CD8B: variants seen among roughly 807,000 people sequenced by gnomAD.
The protein encoded by CD8B is CD8 subunit beta, also known as T-cell surface glycoprotein CD8 beta chain.
Under a neutral mutation model 24.2 loss-of-function variants are expected in CD8B, and 6 were observed. The ratio of observed to expected loss-of-function variants is 0.25; its 90% CI spans 0.14 to 0.49. The LOEUF (loss-of-function observed/expected upper bound fraction) is 0.49. Among genes scored for constraint, CD8B ranks in the 20% least tolerant of loss-of-function variants. The pLI is 0.98. For missense variants in CD8B, 196 were observed against 271.3 expected (o/e 0.72, Z 1.95); for synonymous variants, 84 against 108.3 (o/e 0.78, Z 1.39).
Position 86,852,881 on chromosome 2 carries a change from G to T in CD8B, c.493+116C>A. On this transcript the variant is annotated intron_variant, in intron 3 of 5. Transcript: ENST00000390655. ...CTTTCTGACCCTAGCTTAGGCCGGGGAGATAGGCTCTAGAGTTGACACTTG... is the reference window on the plus strand; with the variant it reads ...CTTTCTGACCCTAGCTTAGGCCGGGTAGATAGGCTCTAGAGTTGACACTTG... The T allele has an allele frequency of 6.2e-6, 9 of 1,450,990 alleles. No individual in the cohort carries two copies. The South Asian group carries it at 1.2e-4, about 19-fold the overall frequency. The allele number at this position is 1,450,990 out of a possible 1,614,324, so 89.9% of individuals were successfully genotyped here.
chr2:86,824,757 C>T (rs1232014375), intron 5 of CD8B, among the ~76,000 whole-genome samples: 3 of 152,174 alleles, frequency 2.0e-5, no homozygotes, highest in Non-Finnish European at 4.4e-5. Context: ...GGCCTTGTCT[C>T]GACCTTGCTT....
chr2:86,822,053 G>C (rs1324559679), intron 5 of CD8B, among the ~76,000 whole-genome samples: 2 of 152,156 alleles, frequency 1.3e-5, no homozygotes, highest in African/African-American at 4.8e-5. Flanking sequence ...GTCCTGCCCT[G>C]ACTTGCCCCA....
chr2:86,834,653 C>T (rs1486080482), downstream of CD8B, among the ~76,000 whole-genome samples: 1 of 151,914 alleles, frequency 6.6e-6, no homozygotes, highest in Non-Finnish European at 1.5e-5. Context: ...ACAGACGTTC[C>T]AGGCCGGGCA....
rs79298835 is a variant in CD8B at position 86,821,350 on chromosome 2, T to C, written c.621-5632A>G. Among the ~76,000 whole-genome samples the C allele has an allele frequency of 4.2e-3, 640 of 151,894 alleles. 3 individuals carry two copies. Among genetic ancestry groups the C allele is most frequent in the African/African-American group, 0.015 (604 of 41,372 alleles). ...ACGCCATTGAGCCCTGCTAAAGGAG[T>C]TGCTAATATCCACCTCGTTCTGCGG... On this transcript the variant is annotated intron_variant, in intron 5 of 5. Coordinates refer to the CD8B transcript ENST00000331469.
At chr2:86,855,141 T>C (rs1469975129) in intron 2 of CD8B, among the ~76,000 whole-genome samples, 1 of 148,216 alleles carries the variant, frequency 6.7e-6, no homozygotes, top group African/African-American at 2.5e-5. Flanking sequence ...TTTTGGGGGG[T>C]TGTAAGGGGG....
intron 5 of CD8B, chr2:86,833,000 C>T (rs1674972668): frequency 2.9e-6 from 1 of 345,722 alleles, no homozygotes; most frequent in African/African-American, 2.4e-5. Flanking sequence ...CTCTCCTCTC[C>T]TCTTCTCTCT....
rs143325206 is a variant in CD8B at position 86,851,186 on chromosome 2, C to T, written c.493+1811G>A. On this transcript the variant is annotated intron_variant, in intron 3 of 5. Coordinates refer to ENST00000390655, the MANE Select transcript of CD8B (RefSeq NM_004931.5). Reference sequence around the variant, plus strand: ...TTTATAAAAGTATGACTGAGTTTGCCGTCATTCAGCTGTCCTTACATGAAG... The same window carrying T: ...TTTATAAAAGTATGACTGAGTTTGCTGTCATTCAGCTGTCCTTACATGAAG... 8.5e-5 allele frequency among the ~76,000 whole-genome samples: 13 copies of T among 152,130 alleles called. 1 individual carries two copies. The highest frequency in any genetic ancestry group is 2.7e-4 in the African/African-American group (11 of 41,498).
At chr2:86,826,709 C>G (rs1573492178) in intron 5 of CD8B, among the ~76,000 whole-genome samples, 1 of 152,104 alleles carries the variant, frequency 6.6e-6, no homozygotes, top group African/African-American at 2.4e-5. Flanking sequence ...GACAGTGTCG[C>G]TCTCGCCCAA....
intron 5 of CD8B, chr2:86,833,007 C>A: frequency 2.8e-6 from 1 of 359,202 alleles, no homozygotes; most frequent in South Asian, 2.0e-5. Context: ...CTCCTCTTCT[C>A]TCTCTCCCTC....
chr2:86,824,886 T>G (rs1405628268), intron 5 of CD8B, among the ~76,000 whole-genome samples: 1 of 152,254 alleles, frequency 6.6e-6, no homozygotes, highest in East Asian at 1.9e-4. Context: ...GTATACCAAG[T>G]AAATGACCAC....
At chr2:86,819,998 G>A (rs981240165) in intron 5 of CD8B, among the ~76,000 whole-genome samples, 10 of 152,202 alleles carry the variant, frequency 6.6e-5, no homozygotes, top group Non-Finnish European at 1.2e-4. Flanking sequence ...CTGCAAGTAT[G>A]GTAGAAATAG....
Position 86,861,811 on chromosome 2 carries a change from C to T in CD8B, c.43+12G>A. On this transcript the variant is annotated intron_variant, in intron 1 of 5. Transcript: ENST00000390655. Reference sequence around the variant, plus strand: ...CGCAGACCCTTGGGTAGCCCGCGCGCCGCCGCCTTACCTGTCAGCTGCGCG... The same window carrying T: ...CGCAGACCCTTGGGTAGCCCGCGCGTCGCCGCCTTACCTGTCAGCTGCGCG... The T allele has an allele frequency of 1.6e-6, 2 of 1,272,134 alleles. No homozygotes were observed. Among genetic ancestry groups the T allele is most frequent in the Non-Finnish European group, 2.0e-6 (2 of 1,010,706 alleles). 78.8% of individuals were successfully genotyped at this position (1,272,134 alleles called of 1,614,324 possible). A position where few individuals can be genotyped will look rare whatever the true frequency, so the allele number is the denominator to read the frequency against.
intron 5 of CD8B, among the ~76,000 whole-genome samples, chr2:86,844,279 T>C (rs552928394): frequency 5.3e-4 from 80 of 151,408 alleles, no homozygotes; most frequent in East Asian, 7.8e-4. Flanking sequence ...TGTCAACTCC[T>C]GGGACCCAGA....
intron 1 of CD8B, 37 bp downstream of exon 1, chr2:86,861,786 C>G (rs775075650): frequency 4.7e-5 from 59 of 1,255,928 alleles, no homozygotes; most frequent in Admixed American, 3.8e-4. Context: ...GCCCCGGGAG[C>G]GCAGACCCTT....
chr2:86,837,931 C>T (rs537351030), downstream of CD8B, among the ~76,000 whole-genome samples: 2 of 151,840 alleles, frequency 1.3e-5, no homozygotes, highest in African/African-American at 4.8e-5. Context: ...TGGAGTGCAG[C>T]CCACCCCTGC....
rs142966127 is a variant in CD8B at position 86,858,242 on chromosome 2, C to T, written c.218G>A (p.Trp73Ter). Residue 73 changes from tryptophan (W) to a stop codon, truncating the protein, a stop_gained, in exon 2 of 6, where the codon TGG (tryptophan) becomes TAG (stop). Transcript: ENST00000390655. LOFTEE classifies it high-confidence loss of function. ...SDSHHEFLAL[W>*]DSAKGTIHGE... ...GTGGATAGTCCCTTTTGCGGAATCC[C>T]AGAGGGCCAGGAACTCGTGGTGACT... is the stretch of plus-strand genomic sequence containing the variant. 108 of 1,614,026 alleles carry T rather than the reference C, an allele frequency of 6.7e-5. No homozygotes were observed. Among genetic ancestry groups the T allele is most frequent in the Non-Finnish European group, 8.4e-5 (99 of 1,179,880 alleles).
At chr2:86,832,394 C>A (rs1380652235) in intron 5 of CD8B, among the ~76,000 whole-genome samples, 1 of 151,744 alleles carries the variant, frequency 6.6e-6, no homozygotes, top group African/African-American at 2.4e-5. Flanking sequence ...GGGAGAATCG[C>A]ATGAACCCGG....
chr2:86,859,192 G>A (rs1676445673), intron 1 of CD8B, among the ~76,000 whole-genome samples: 1 of 151,946 alleles, frequency 6.6e-6, no homozygotes, highest in Admixed American at 6.6e-5. Context: ...GACAGACCCT[G>A]GTAGGTACAA....
At position 86,840,206 on chromosome 2, in the gene CD8B, G is replaced by A. The variant is rs897469295; in HGVS notation, c.*2101C>T. On this transcript the variant is annotated 3_prime_UTR_variant, in exon 6 of 6. Transcript: ENST00000390655. Reference sequence around the variant, plus strand: ...GGGGCAGGGCATCTAAGGCCAATTCGTGCTGAATGAAGGAGAAACACCTAC... The same window carrying A: ...GGGGCAGGGCATCTAAGGCCAATTCATGCTGAATGAAGGAGAAACACCTAC... Among the ~76,000 whole-genome samples, 9 of 145,294 alleles carry A rather than the reference G, an allele frequency of 6.2e-5. No homozygotes were observed. Among genetic ancestry groups the A allele is most frequent in the African/African-American group, 1.8e-4 (7 of 39,138 alleles).
Sources: gnomAD v4.1 joint callset for allele counts (sites outside exome capture counted in the v4.1 genomes callset) on GRCh38, gnomAD v4.1.1 for gene constraint, MANE v1.5 for transcripts, NCBI Gene and HGNC (gene_info 2026-07-23, HGNC 2026-07-21) for gene names.